Variants in CTNNA2 observed in about 807,000 individuals in gnomAD.
CTNNA2 encodes the protein catenin alpha 2, also known as catenin alpha-2.
A neutral mutation model predicts 101.0 loss-of-function variants in CTNNA2; 42 were observed. The observed-to-expected ratio is 0.42, with a 90% CI of 0.32 to 0.54. The LOEUF is 0.54. CTNNA2 is among the 20% of genes least tolerant of loss of function. The probability of loss-of-function intolerance (pLI) is 0.14; values close to 1 mark genes in which losing one functional copy is unlikely to be tolerated. For missense variants in CTNNA2, 871 were observed against 1,223.1 expected (o/e 0.71, Z 4.29); for synonymous variants, 450 against 456.4 (o/e 0.99, Z 0.18).
Position 79,586,190 on chromosome 2 carries a change from C to T in CTNNA2, c.-5-65362C>T, listed in dbSNP as rs570130172. Among the ~76,000 whole-genome samples the T allele has an allele frequency of 1.4e-3, 219 of 152,240 alleles. 1 individual carries two copies. The highest frequency in any genetic ancestry group is 4.8e-3 in the African/African-American group (200 of 41,540). ...ACACTCGTAGGCCTCAGCACATCAC[C>T]GGCTTCTCCTCTTCTCTGTGGTGTA... is the stretch of plus-strand genomic sequence containing the variant. On this transcript the variant is annotated intron_variant, in intron 1 of 18. Coordinates refer to ENST00000402739, the MANE Select transcript of CTNNA2 (RefSeq NM_001282597.3).
chr2:79,454,000 TA>T (rs1670786423), intron 4 of CTNNA2, among the ~76,000 whole-genome samples: 1 of 152,120 alleles, frequency 6.6e-6, no homozygotes, highest in African/African-American at 2.4e-5. Flanking sequence ...ATCATATAGA[TA>T]AAGCCCCTCA....
At chr2:79,301,387 ACTG>A (rs1257724449) in intron 2 of CTNNA2, among the ~76,000 whole-genome samples, 1 of 152,138 alleles carries the variant, frequency 6.6e-6, no homozygotes, top group Non-Finnish European at 1.5e-5. Flanking sequence ...CTGACTCTTG[ACTG>A]GTTACTGTGT....
intron 7 of CTNNA2, among the ~76,000 whole-genome samples, chr2:80,343,292 G>T (rs769811833): frequency 6.6e-6 from 1 of 151,600 alleles, no homozygotes; most frequent in Non-Finnish European, 1.5e-5. Context: ...TTAATCAGAG[G>T]AATCCATTGT....
intron 1 of CTNNA2, among the ~76,000 whole-genome samples, chr2:79,623,346 A>G (rs1679109314): frequency 6.6e-6 from 1 of 152,186 alleles, no homozygotes. Flanking sequence ...TTGAGCATAT[A>G]TACTTACAAA....
At chr2:79,997,643 C>A (rs1204606736) in intron 7 of CTNNA2, among the ~76,000 whole-genome samples, 1 of 152,164 alleles carries the variant, frequency 6.6e-6, no homozygotes, top group African/African-American at 2.4e-5. Context: ...ACAACTCTTT[C>A]ATCCTCACTA....
intron 2 of CTNNA2, among the ~76,000 whole-genome samples, chr2:79,679,250 T>C (rs1184884061): frequency 1.3e-5 from 2 of 152,226 alleles, no homozygotes; most frequent in African/African-American, 4.8e-5. Context: ...GAAAATAATG[T>C]ATCGGATGAA....
chr2:79,853,500 G>A (rs1680889601), intron 3 of CTNNA2, among the ~76,000 whole-genome samples: 1 of 152,056 alleles, frequency 6.6e-6, no homozygotes, highest in Non-Finnish European at 1.5e-5. Context: ...CAGCAGTTCA[G>A]TTGTCAAGCA....
intron 2 of CTNNA2, among the ~76,000 whole-genome samples, chr2:79,718,753 C>T (rs894876725): frequency 4.6e-5 from 7 of 151,482 alleles, no homozygotes; most frequent in African/African-American, 1.2e-4. Flanking sequence ...TTTTTATCTA[C>T]AATGCCTGAT....
chr2:79,521,107 G>GATATATATAT (rs59797728), intron 1 of CTNNA2, among the ~76,000 whole-genome samples: 1 of 105,376 alleles, frequency 9.5e-6, no homozygotes, highest in African/African-American at 3.6e-5. Context: ...CAAAGCTGCT[G>GATATATATAT]ATATATATAT....
intron 7 of CTNNA2, among the ~76,000 whole-genome samples, chr2:80,012,382 C>CT (rs1434400725): frequency 5.3e-5 from 8 of 152,300 alleles, no homozygotes; most frequent in Middle Eastern, 3.4e-3. Context: ...TGAGGCAAAT[C>CT]TTATAAAGCT....
At chr2:79,329,961 A>C (rs892404685) in intron 3 of CTNNA2, among the ~76,000 whole-genome samples, 2 of 152,162 alleles carry the variant, frequency 1.3e-5, no homozygotes, top group Non-Finnish European at 2.9e-5. Context: ...TCCAAGGCCC[A>C]AAAACATGAC....
At chr2:79,933,565 C>T (rs371750517) in intron 7 of CTNNA2, among the ~76,000 whole-genome samples, 2 of 151,970 alleles carry the variant, frequency 1.3e-5, no homozygotes, top group East Asian at 1.9e-4. Context: ...TGCCATTCTC[C>T]TGCCTCAGCC....
intron 17 of CTNNA2, among the ~76,000 whole-genome samples, chr2:80,614,223 C>T (rs1279051635): frequency 6.6e-6 from 1 of 151,290 alleles, no homozygotes; most frequent in Non-Finnish European, 1.5e-5. Flanking sequence ...ATACAGTTGG[C>T]CTTCTGTATC....
At chr2:80,324,461 A>G (rs537381759) in intron 7 of CTNNA2, among the ~76,000 whole-genome samples, 5 of 152,184 alleles carry the variant, frequency 3.3e-5, no homozygotes, top group African/African-American at 4.8e-5. Context: ...TACTTAAACT[A>G]TTAACTAACT....
At chr2:79,279,408 G>A (rs1675302078) in intron 2 of CTNNA2, among the ~76,000 whole-genome samples, 1 of 152,050 alleles carries the variant, frequency 6.6e-6, no homozygotes, top group African/African-American at 2.4e-5. Flanking sequence ...CTCCTCCAAA[G>A]TAAATTAGAT....
intron 17 of CTNNA2, among the ~76,000 whole-genome samples, chr2:80,609,371 G>C (rs184484132): frequency 6.6e-6 from 1 of 151,866 alleles, no homozygotes; most frequent in Admixed American, 6.6e-5. Flanking sequence ...GCTGGGAAAA[G>C]AACTGATCTG....
At chr2:80,591,626 T>C (rs1252237645) in intron 15 of CTNNA2, among the ~76,000 whole-genome samples, 1 of 151,966 alleles carries the variant, frequency 6.6e-6, no homozygotes, top group African/African-American at 2.4e-5. Flanking sequence ...TAAACATTCT[T>C]AAGTACCATT....
chr2:79,905,336 T>C (rs1054773014), intron 6 of CTNNA2, among the ~76,000 whole-genome samples: 1 of 151,834 alleles, frequency 6.6e-6, no homozygotes, highest in Non-Finnish European at 1.5e-5. Context: ...AAAATGACAA[T>C]GTAAGATGGA....
chr2:79,317,873 T>A (rs1157102466), intron 3 of CTNNA2, among the ~76,000 whole-genome samples: 4 of 152,102 alleles, frequency 2.6e-5, no homozygotes, highest in African/African-American at 9.7e-5. Flanking sequence ...AACACATTTA[T>A]CAATATGGAC....
Sources: allele counts gnomAD v4.1 joint callset (sites outside exome capture counted in the v4.1 genomes callset), GRCh38; gene constraint gnomAD v4.1.1; transcripts MANE v1.5; gene names NCBI Gene and HGNC (gene_info 2026-07-23, HGNC 2026-07-21).